The following PDE3B variants were observed in gnomAD, a reference collection of about 807,000 sequenced individuals.
The protein encoded by PDE3B is phosphodiesterase 3B, also known as cGMP-inhibited 3',5'-cyclic phosphodiesterase 3B.
Under a neutral mutation model 116.8 loss-of-function variants are expected in PDE3B, and 66 were observed. The observed-to-expected ratio is 0.56, with a 90% confidence interval of 0.46 to 0.69. PDE3B has a LOEUF of 0.69. Among genes scored for constraint, PDE3B ranks in the 30% least tolerant of loss-of-function variants. The pLI is 0.00. For missense variants in PDE3B, 1,384 were observed against 1,368.1 expected (o/e 1.01, Z -0.18); for synonymous variants, 595 against 533.6 (o/e 1.12, Z -1.59).
intron 1 of PDE3B, among the ~76,000 whole-genome samples, chr11:14,754,650 G>A (rs1280971776): frequency 6.6e-6 from 1 of 152,060 alleles, no homozygotes; most frequent in African/African-American, 2.4e-5. Flanking sequence ...GGTGCCTTTA[G>A]TCCCAGCTAC....
intron 1 of PDE3B, among the ~76,000 whole-genome samples, chr11:14,726,413 A>C (rs1006630680): frequency 6.6e-6 from 1 of 152,164 alleles, no homozygotes; most frequent in African/African-American, 2.4e-5. Context: ...TTTTTTAGTG[A>C]ATGAATGAAT....
intron 1 of PDE3B, among the ~76,000 whole-genome samples, chr11:14,677,512 T>C (rs1854565084): frequency 1.3e-5 from 2 of 152,210 alleles, no homozygotes; most frequent in Non-Finnish European, 2.9e-5. Context: ...ATCTTAAGTA[T>C]TTACCTTTTA....
intron 1 of PDE3B, among the ~76,000 whole-genome samples, chr11:14,768,592 A>C (rs1857557858): frequency 6.6e-6 from 1 of 151,436 alleles, no homozygotes; most frequent in African/African-American, 2.4e-5. Context: ...GAATACATCA[A>C]AATTTTTCTA....
chr11:14,884,074 C>T, the PDE3B span, among the ~76,000 whole-genome samples: 1 of 152,076 alleles, frequency 6.6e-6, no homozygotes, highest in African/African-American at 2.4e-5. Flanking sequence ...TACTTTTACA[C>T]TGTTGGTGGG....
intron 1 of PDE3B, among the ~76,000 whole-genome samples, chr11:14,671,620 T>A (rs961474751): frequency 6.6e-6 from 1 of 152,116 alleles, no homozygotes; most frequent in African/African-American, 2.4e-5. Flanking sequence ...ATAGCTAGAG[T>A]GGAAGCAGGA....
intron 1 of PDE3B, among the ~76,000 whole-genome samples, chr11:14,739,969 G>A (rs1249588727): frequency 2.0e-5 from 3 of 152,104 alleles, no homozygotes; most frequent in Non-Finnish European, 4.4e-5. Context: ...GATTGTGGTG[G>A]ATAAGCTTTT....
intron 1 of PDE3B, among the ~76,000 whole-genome samples, chr11:14,669,844 A>G (rs567740250): frequency 6.6e-6 from 1 of 152,308 alleles, no homozygotes; most frequent in East Asian, 1.9e-4. Flanking sequence ...GAGTATGTTG[A>G]GAAAATGGAA....
chr11:14,764,530 G>A (rs1857444562), intron 1 of PDE3B, among the ~76,000 whole-genome samples: 1 of 152,066 alleles, frequency 6.6e-6, no homozygotes, highest in African/African-American at 2.4e-5. Flanking sequence ...CTAGCATATA[G>A]TACTGTTTAT....
chr11:14,876,010 G>A (rs1361767581), downstream of PDE3B, among the ~76,000 whole-genome samples: 5 of 152,300 alleles, frequency 3.3e-5, no homozygotes, highest in African/African-American at 1.2e-4. Flanking sequence ...AGCAGCAGTA[G>A]TGGTGTACTC....
At chr11:14,869,433 T>C (rs1555008653) in intron 15 of PDE3B, 28 bp from the exon 16 acceptor site, 1 of 1,582,388 alleles carries the variant, frequency 6.3e-7, no homozygotes, top group African/African-American at 1.4e-5. Flanking sequence ...TTGCTATGAT[T>C]AGAATATATT....
At chr11:14,844,941 C>T (rs1847563105) in intron 12 of PDE3B, among the ~76,000 whole-genome samples, 1 of 152,258 alleles carries the variant, frequency 6.6e-6, no homozygotes, top group Admixed American at 6.5e-5. Context: ...GCAGTAACCT[C>T]TGCAGACTTA....
chr11:14,797,594 C>G lies in PDE3B; in HGVS notation c.1416-6350C>G, dbSNP rs576128895. Among the ~76,000 whole-genome samples the G allele has an allele frequency of 7.2e-3, 1,093 of 152,088 alleles. 8 individuals are homozygous for G. The highest frequency in any genetic ancestry group is 0.015 in the South Asian group (70 of 4,822). On this transcript the variant is annotated intron_variant, in intron 4 of 15. Coordinates refer to ENST00000282096, the MANE Select transcript of PDE3B (RefSeq NM_000922.4). ...ATGTTTTTTCATTTGTTTGTCCTCTCTTATTTCCTTGAGCAGTAGTTTGTA... is the reference window on the plus strand; with the variant it reads ...ATGTTTTTTCATTTGTTTGTCCTCTGTTATTTCCTTGAGCAGTAGTTTGTA...
the PDE3B span, chr11:14,879,039 C>T: frequency 8.4e-7 from 1 of 1,185,766 alleles, no homozygotes; most frequent in Non-Finnish European, 1.3e-6. Flanking sequence ...AAGGATGCTT[C>T]AGATTAAGAT....
intron 15 of PDE3B, among the ~76,000 whole-genome samples, chr11:14,868,975 CGT>C (rs1848096560): frequency 6.6e-6 from 1 of 151,510 alleles, no homozygotes; most frequent in African/African-American, 2.4e-5. Flanking sequence ...GAGCTGAGAT[CGT>C]GCCACTGCAC....
intron 7 of PDE3B, among the ~76,000 whole-genome samples, chr11:14,828,275 CAA>C (rs1050266362): frequency 6.6e-6 from 1 of 152,126 alleles, no homozygotes; most frequent in Non-Finnish European, 1.5e-5. Flanking sequence ...GATTTCATGA[CAA>C]AGATGCCAAA....
chr11:14,725,026 A>G (rs73412651), intron 1 of PDE3B, among the ~76,000 whole-genome samples: 20,064 of 152,224 alleles, frequency 0.13, 1,514 homozygotes, highest in African/African-American at 0.2. Flanking sequence ...AGATAGGTAC[A>G]GGTACTAAAA....
chr11:14,798,934 AGTTCT>A (rs1456802374), intron 4 of PDE3B, among the ~76,000 whole-genome samples: 2 of 151,786 alleles, frequency 1.3e-5, no homozygotes, highest in Non-Finnish European at 2.9e-5. Flanking sequence ...TATCTCCTTC[AGTTCT>A]GTTCTGATCT....
intron 1 of PDE3B, among the ~76,000 whole-genome samples, chr11:14,668,344 C>A (rs188065217): frequency 6.6e-6 from 1 of 152,096 alleles, no homozygotes; most frequent in Admixed American, 6.6e-5. Flanking sequence ...TCTCAAAATC[C>A]TTTCCTCACT....
At chr11:14,748,911 CAG>C (rs1226231605) in intron 1 of PDE3B, among the ~76,000 whole-genome samples, 1 of 141,104 alleles carries the variant, frequency 7.1e-6, no homozygotes, top group Non-Finnish European at 1.5e-5. Flanking sequence ...TTTTTTGAGA[CAG>C]AGTTTCGCTC....
Sources: gnomAD v4.1 joint callset for allele counts (sites outside exome capture counted in the v4.1 genomes callset) on GRCh38, gnomAD v4.1.1 for gene constraint, MANE v1.5 for transcripts, NCBI Gene and HGNC (gene_info 2026-07-23, HGNC 2026-07-21) for gene names.